Variants in SORBS2 observed in about 807,000 individuals in gnomAD.
SORBS2 encodes sorbin and SH3 domain containing 2.
In SORBS2, 46 loss-of-function variants were observed where a neutral mutation model predicts 97.7. The ratio of observed to expected loss-of-function variants is 0.47; its 90% CI spans 0.37 to 0.60. The LOEUF is 0.60. Ranked by LOEUF, SORBS2 falls within the 20% of genes least tolerant of loss-of-function variation. The probability of loss-of-function intolerance (pLI) is 0.00; values close to 1 mark genes in which losing one functional copy is unlikely to be tolerated. For missense variants in SORBS2, 1,316 were observed against 1,282.3 expected (o/e 1.03, Z -0.40); for synonymous variants, 476 against 473.4 (o/e 1.01, Z -0.07).
In SORBS2 at chr4:185,871,187, G is replaced by GT. The variant is rs1052526710; in HGVS notation, c.-338+85008dup. ...CAAATATATTTTAAAAGTGAATTTT[G>GT]TTTTTTTTGTACCTTAACAAAAAGT... On this transcript the variant is annotated intron_variant, in intron 1 of 20. Transcript: ENST00000284776. Among the ~76,000 whole-genome samples the GT allele has an allele frequency of 6.6e-5, 10 of 151,832 alleles. No homozygotes were observed. The South Asian group carries it at 8.3e-4, about 13-fold the overall frequency.
At chr4:185,952,321 C>T (rs189728287) in intron 1 of SORBS2, among the ~76,000 whole-genome samples, 1 of 152,202 alleles carries the variant, frequency 6.6e-6, no homozygotes, top group Non-Finnish European at 1.5e-5. Context: ...AGCCACCAAG[C>T]CTGGCAAAAT....
At chr4:185,616,789 C>T (rs183172985) in intron 9 of SORBS2, among the ~76,000 whole-genome samples, 2 of 152,280 alleles carry the variant, frequency 1.3e-5, no homozygotes, top group East Asian at 3.9e-4. Flanking sequence ...TGCTCTGTCA[C>T]CCAGGCTGGA....
At chr4:185,615,102 A>G (rs1365606565) in exon 10 of SORBS2, 2 of 1,613,854 alleles carry the variant, frequency 1.2e-6, no homozygotes, top group Non-Finnish European at 1.7e-6. Context: ...CCTCATACCA[A>G]TTTTGATCAA....
chr4:185,670,164 G>A (rs376456418), intron 4 of SORBS2, among the ~76,000 whole-genome samples: 88 of 150,504 alleles, frequency 5.8e-4, no homozygotes, highest in African/African-American at 1.5e-3. Flanking sequence ...GGTTGCAGTG[G>A]GCCGAGATCA....
At chr4:185,750,486 A>G (rs2098792310) in intron 2 of SORBS2, among the ~76,000 whole-genome samples, 1 of 152,202 alleles carries the variant, frequency 6.6e-6, no homozygotes, top group Non-Finnish European at 1.5e-5. Flanking sequence ...AGCTAAGATT[A>G]TTACACATGC....
intron 4 of SORBS2, among the ~76,000 whole-genome samples, chr4:185,633,146 G>A (rs934576134): frequency 2.6e-5 from 4 of 152,048 alleles, no homozygotes; most frequent in Non-Finnish European, 5.9e-5. Flanking sequence ...TTAAATATCC[G>A]TAACTGTTCT....
chr4:185,742,192 A>G (rs1349434443), intron 2 of SORBS2, among the ~76,000 whole-genome samples: 1 of 152,186 alleles, frequency 6.6e-6, no homozygotes, highest in East Asian at 1.9e-4. Flanking sequence ...TGAGAATCTT[A>G]TTTTTCAAGG....
rs185379221 is a variant in SORBS2, at chr4:185,916,574, G to C, written c.-338+39622C>G. ...TAAAAAGAGGACTGGTTTGTGAATA[G>C]AGAATTTGACGCCCAAGATACGACA... On this transcript the variant is annotated intron_variant, in intron 1 of 20. Transcript: ENST00000284776. 2.0e-5 allele frequency among the ~76,000 whole-genome samples: 3 copies of C among 152,316 alleles called. No individual in the cohort carries two copies. The South Asian group carries it at 6.2e-4, about 32-fold the overall frequency.
At chr4:185,931,143 C>A (rs2099266250) in intron 1 of SORBS2, among the ~76,000 whole-genome samples, 2 of 152,020 alleles carry the variant, frequency 1.3e-5, no homozygotes, top group Admixed American at 1.3e-4. Flanking sequence ...CATTATGATT[C>A]ATCATTTTTA....
intron 2 of SORBS2, among the ~76,000 whole-genome samples, chr4:185,734,981 T>G (rs1470138647): frequency 6.6e-6 from 1 of 152,236 alleles, no homozygotes; most frequent in Non-Finnish European, 1.5e-5. Flanking sequence ...ACAACTTATA[T>G]GGCTGCAGCA....
chr4:185,750,903 T>G (rs1347166441), intron 2 of SORBS2, among the ~76,000 whole-genome samples: 1 of 151,926 alleles, frequency 6.6e-6, no homozygotes, highest in African/African-American at 2.4e-5. Flanking sequence ...TCCTTGACCT[T>G]AGGTGGGTCA....
At chr4:185,920,565 G>T (rs1473426913) in intron 1 of SORBS2, among the ~76,000 whole-genome samples, 1 of 152,116 alleles carries the variant, frequency 6.6e-6, no homozygotes, top group Non-Finnish European at 1.5e-5. Flanking sequence ...GAGCAGAATA[G>T]AGCTTGTATG....
At chr4:185,906,338 A>G (rs2149850199) in intron 1 of SORBS2, among the ~76,000 whole-genome samples, 1 of 152,134 alleles carries the variant, frequency 6.6e-6, no homozygotes, top group Middle Eastern at 3.4e-3. Context: ...TGGCCTGTTT[A>G]TTTTTATAAG....
chr4:185,914,178 T>C (rs149006243), intron 1 of SORBS2, among the ~76,000 whole-genome samples: 104 of 152,326 alleles, frequency 6.8e-4, no homozygotes, highest in African/African-American at 2.5e-3. Flanking sequence ...CAACCATCTA[T>C]AAACAAACTC....
Position 185,798,289 on chromosome 4 carries a change from A to G in SORBS2, c.-337-22923T>C, listed in dbSNP as rs567308044. 2.6e-5 allele frequency among the ~76,000 whole-genome samples: 4 copies of G among 152,354 alleles called. No homozygotes were observed. In the South Asian group the frequency reaches 8.3e-4, roughly 32 times the overall value. On this transcript the variant is annotated intron_variant, in intron 1 of 20. Transcript: ENST00000284776. ...TTTCCAGAATAAACTTGTGATTCTA[A>G]CAACTTCAACATAAAATAAATAACT...
chr4:185,629,560 A>ATTTTTTTTTTTTTTTTTTTTTTTTT, intron 5 of SORBS2, among the ~76,000 whole-genome samples: 1 of 134,084 alleles, frequency 7.5e-6, no homozygotes, highest in Non-Finnish European at 1.5e-5. Flanking sequence ...GAATTTTGTG[A>ATTTTTTTTTTTTTTTTTTTTTTTTT]TTTGTTTTTT....
At chr4:185,638,222 G>C in intron 4 of SORBS2, 60 bp from the exon 15 acceptor site, 1 of 1,025,512 alleles carries the variant, frequency 9.8e-7, no homozygotes, top group South Asian at 1.3e-5. Flanking sequence ...TGAGGGAAAC[G>C]CTGTGTGGCA....
Position 185,868,147 on chromosome 4 carries a change from C to CTTTCTTTCTTTTTTTTTTTTTT in SORBS2, c.-338+88048_-338+88049insAAAAAAAAAAAAAAGAAAGAAA, listed in dbSNP as rs1288748201. Among the ~76,000 whole-genome samples the CTTTCTTTCTTTTTTTTTTTTTT allele has an allele frequency of 2.5e-4, 22 of 89,754 alleles. 2 individuals carry two copies. Among genetic ancestry groups the CTTTCTTTCTTTTTTTTTTTTTT allele is most frequent in the African/African-American group, 6.7e-4 (14 of 20,966 alleles). The allele number at this position is 89,754 out of a possible 152,430, so 58.9% of individuals were successfully genotyped here. ...TCTACTTTCCTTTCTCTTTTCTTTT[C>CTTTCTTTCTTTTTTTTTTTTTT]TTTTTTTCTTTCTTTTTTTTTTTTT... is the stretch of plus-strand genomic sequence containing the variant. On this transcript the variant is annotated intron_variant, in intron 1 of 20. Transcript: ENST00000284776.
chr4:185,792,094 G>A (rs2099082701), intron 1 of SORBS2, among the ~76,000 whole-genome samples: 1 of 152,182 alleles, frequency 6.6e-6, no homozygotes, highest in Admixed American at 6.5e-5. Flanking sequence ...GCTTAGTCTT[G>A]TGGCATCCTA....
Sources: gnomAD v4.1 joint callset for allele counts (sites outside exome capture counted in the v4.1 genomes callset) on GRCh38, gnomAD v4.1.1 for gene constraint, MANE v1.5 for transcripts, NCBI Gene and HGNC (gene_info 2026-07-23, HGNC 2026-07-21) for gene names.